Variants in GPR89A observed in about 807,000 individuals in gnomAD.
GPR89A encodes the protein G protein-coupled receptor 89A.
In GPR89A, 16 loss-of-function variants were observed where a neutral mutation model predicts 52.0. That is an observed-to-expected ratio of 0.31 (90% CI 0.21 to 0.47). GPR89A has a LOEUF of 0.47. Ranked by LOEUF, GPR89A falls within the 20% of genes least tolerant of loss-of-function variation. GPR89A has a pLI of 1.00. For synonymous variants in GPR89A, 55 were observed against 150.9 expected, an observed-to-expected ratio of 0.36 and a Z score of 4.66; for missense variants, 135 against 449.4, an observed-to-expected ratio of 0.30 and a Z score of 6.33.
intron 1 of GPR89A, chr1:145,608,378 G>C: frequency 1.0e-6 from 1 of 984,776 alleles, no homozygotes; most frequent in Non-Finnish European, 1.5e-6. Context: ...GCCTGCGGCC[G>C]TCCGCGTCCC....
chr1:145,642,947 T>C (rs587653609), intron 7 of GPR89A, among the ~76,000 whole-genome samples: 2 of 152,192 alleles, frequency 1.3e-5, no homozygotes, highest in Admixed American at 6.5e-5. Flanking sequence ...CCAGGAGTGG[T>C]AGGTTTCCTG....
At position 145,608,174 on chromosome 1, in the gene GPR89A, A is replaced by G. The variant is rs1553685292; in HGVS notation, c.41A>G (p.Gln14Arg). Residue 14 changes from glutamine to arginine, a missense_variant and splice_region_variant, in exon 1 of 14, where the codon CAG becomes CGG. Transcript: ENST00000313835. Reference protein sequence around the residue: ...LIDSSIMITSQILFFGFGWLF... With the variant: ...LIDSSIMITSRILFFGFGWLF... ...GACTCCAGCATCATGATTACCTCCCAGGTGAGTCACCGCCTCCCGCCCCGA... is the reference window on the plus strand; with the variant it reads ...GACTCCAGCATCATGATTACCTCCCGGGTGAGTCACCGCCTCCCGCCCCGA... 6.2e-7 allele frequency: 1 copy of G among 1,613,778 alleles called. No homozygotes were observed.
chr1:145,628,429 T>C (rs1410013508), intron 5 of GPR89A, among the ~76,000 whole-genome samples: 14 of 151,806 alleles, frequency 9.2e-5, no homozygotes, highest in Non-Finnish European at 1.3e-4. Context: ...GATTGGAAAA[T>C]GTTGAATTTT....
At chr1:145,621,906 A>AC (rs1242378139) in intron 3 of GPR89A, among the ~76,000 whole-genome samples, 32 of 2,054 alleles carry the variant, frequency 0.016, no homozygotes, top group Non-Finnish European at 1.0e-3. Context: ...AATGGCTATA[A>AC]CCAAAAAAAA....
chr1:145,660,963 C>T (rs1445530890), intron 10 of GPR89A, among the ~76,000 whole-genome samples: 1 of 151,916 alleles, frequency 6.6e-6, no homozygotes, highest in East Asian at 1.9e-4. Context: ...TGGGTATATA[C>T]CCAAAGGACT....
chr1:145,647,407 C>T, intron 10 of GPR89A, 140 bp downstream of exon 10: 1 of 1,132,868 alleles, frequency 8.8e-7, no homozygotes, highest in Non-Finnish European at 1.2e-6. Flanking sequence ...TTCCACATCT[C>T]TGGGCTTCAT....
intron 3 of GPR89A, among the ~76,000 whole-genome samples, chr1:145,620,833 T>C (rs1419508841): frequency 1.3e-5 from 2 of 152,196 alleles, no homozygotes; most frequent in East Asian, 1.9e-4. Flanking sequence ...AGAATATCAC[T>C]TTACTCTCAG....
chr1:145,620,399 C>T (rs1267054009), intron 3 of GPR89A, among the ~76,000 whole-genome samples: 1 of 151,742 alleles, frequency 6.6e-6, no homozygotes, highest in Non-Finnish European at 1.5e-5. Flanking sequence ...ACAGAGGATT[C>T]AGATATTCTA....
At chr1:145,668,492 A>G (rs1459020564) in intron 12 of GPR89A, among the ~76,000 whole-genome samples, 5 of 152,168 alleles carry the variant, frequency 3.3e-5, no homozygotes, top group African/African-American at 1.2e-4. Flanking sequence ...GGGGTTTTCT[A>G]TATATACAGT....
intron 10 of GPR89A, among the ~76,000 whole-genome samples, chr1:145,654,553 CAAAAAAAA>C (rs1559045894): frequency 4.7e-5 from 6 of 126,944 alleles, no homozygotes; most frequent in Non-Finnish European, 9.5e-5. Flanking sequence ...AATCCATCTA[CAAAAAAAA>C]AAAAAAAAAA....
intron 7 of GPR89A, among the ~76,000 whole-genome samples, chr1:145,636,660 A>G (rs1385571115): frequency 1.3e-5 from 2 of 152,158 alleles, no homozygotes; most frequent in African/African-American, 4.8e-5. Flanking sequence ...GCCATTCTCA[A>G]TAGAGGAAAC....
chr1:145,640,824 A>G (rs1425121307), intron 7 of GPR89A, among the ~76,000 whole-genome samples: 1 of 148,930 alleles, frequency 6.7e-6, no homozygotes. Flanking sequence ...GCTTACATTT[A>G]AAAAAAATGC....
chr1:145,653,450 G>T (rs1182351220), intron 10 of GPR89A, among the ~76,000 whole-genome samples: 1 of 146,510 alleles, frequency 6.8e-6, no homozygotes, highest in Non-Finnish European at 1.5e-5. Context: ...ATATTCTGTT[G>T]TTTTTGGGTA....
intron 7 of GPR89A, among the ~76,000 whole-genome samples, chr1:145,636,330 T>TA (rs1415465133): frequency 0.26 from 10 of 38 alleles, no homozygotes; most frequent in African/African-American, 0.29. Context: ...TTTTACAAAA[T>TA]AAAATTTTTT....
At chr1:145,625,815 A>G (rs1337858739) in intron 5 of GPR89A, among the ~76,000 whole-genome samples, 4 of 150,180 alleles carry the variant, frequency 2.7e-5, no homozygotes, top group Non-Finnish European at 4.4e-5. Flanking sequence ...TATATCATCT[A>G]TAAAACTTAA....
intron 12 of GPR89A, among the ~76,000 whole-genome samples, chr1:145,667,770 A>C (rs1553696735): frequency 6.6e-6 from 1 of 152,152 alleles, no homozygotes; most frequent in African/African-American, 2.4e-5. Context: ...GAAGGGATCC[A>C]GTTTCAGCTT....
intron 10 of GPR89A, among the ~76,000 whole-genome samples, chr1:145,661,802 G>A (rs190515901): frequency 0.03 from 4,459 of 148,184 alleles, 200 homozygotes; most frequent in African/African-American, 0.1. Flanking sequence ...TTCTTGCTAT[G>A]TACTGCTATA....
chr1:145,647,863 C>T (rs1191148645), intron 10 of GPR89A, among the ~76,000 whole-genome samples: 1 of 84,224 alleles, frequency 1.2e-5, no homozygotes, highest in African/African-American at 4.8e-5. Context: ...CTCTCTCTCT[C>T]TCTCTCTCTC....
intron 10 of GPR89A, among the ~76,000 whole-genome samples, chr1:145,661,874 C>T (rs1652226507): frequency 6.9e-6 from 1 of 145,324 alleles, no homozygotes. Context: ...TTCGAGTTTC[C>T]CTTTGATTTC....
Sources: gnomAD v4.1 joint callset for allele counts (sites outside exome capture counted in the v4.1 genomes callset) on GRCh38, gnomAD v4.1.1 for gene constraint, MANE v1.5 for transcripts, NCBI Gene and HGNC (gene_info 2026-07-23, HGNC 2026-07-21) for gene names.